Variants in GPHN observed in about 807,000 individuals in gnomAD.
The protein encoded by GPHN is gephyrin.
In GPHN, 17 loss-of-function variants were observed where a neutral mutation model predicts 95.5. That is an observed-to-expected ratio of 0.18 (90% CI 0.12 to 0.27). The LOEUF is 0.27. GPHN is among the 10% of genes least tolerant of loss of function. The probability of loss-of-function intolerance (pLI) is 1.00; values close to 1 mark genes in which losing one functional copy is unlikely to be tolerated. For synonymous variants in GPHN, 320 were observed against 322.5 expected (o/e 0.99, Z 0.08); for missense variants, 660 against 978.1 (o/e 0.67, Z 4.34).
intron 1 of GPHN, among the ~76,000 whole-genome samples, chr14:66,657,593 C>A (rs1189834468): frequency 1.3e-5 from 2 of 152,152 alleles, no homozygotes; most frequent in African/African-American, 4.8e-5. Flanking sequence ...AGCCATTGCT[C>A]ATTTACCATT....
chr14:67,633,571 CTCATT>C, the GPHN span, among the ~76,000 whole-genome samples: 7 of 152,290 alleles, frequency 4.6e-5, no homozygotes, highest in East Asian at 1.4e-3. Flanking sequence ...TCTGTTCCCT[CTCATT>C]TATTTCTTTA....
At chr14:66,549,475 C>T (rs1024233357) in intron 1 of GPHN, among the ~76,000 whole-genome samples, 1 of 152,066 alleles carries the variant, frequency 6.6e-6, no homozygotes, top group Admixed American at 6.6e-5. Context: ...ATGGAAATTG[C>T]AGGAGAAACA....
chr14:66,919,883 G>A (rs1843273125), intron 6 of GPHN, among the ~76,000 whole-genome samples: 1 of 151,920 alleles, frequency 6.6e-6, no homozygotes, highest in South Asian at 2.1e-4. Context: ...TGGCCAACAT[G>A]GTGAAACCCC....
At chr14:66,603,503 A>G (rs539064542) in intron 1 of GPHN, among the ~76,000 whole-genome samples, 24 of 152,034 alleles carry the variant, frequency 1.6e-4, no homozygotes, top group African/African-American at 5.5e-4. Context: ...ATCATAAGTG[A>G]TCTTCAGCAG....
chr14:66,743,168 T>G (rs1234122647), intron 2 of GPHN, among the ~76,000 whole-genome samples: 1 of 147,730 alleles, frequency 6.8e-6, no homozygotes, highest in Non-Finnish European at 1.5e-5. Flanking sequence ...GGGACCTGAT[T>G]CCCTGTGTAG....
At chr14:67,389,680 T>C in the GPHN span, among the ~76,000 whole-genome samples, 2 of 152,214 alleles carry the variant, frequency 1.3e-5, no homozygotes, top group Admixed American at 1.3e-4. Flanking sequence ...TTTCCTATTT[T>C]AAAAGCTGAG....
intron 1 of GPHN, among the ~76,000 whole-genome samples, chr14:66,680,116 C>G (rs1386887502): frequency 6.6e-6 from 1 of 152,178 alleles, no homozygotes; most frequent in Non-Finnish European, 1.5e-5. Flanking sequence ...TTTCGATACA[C>G]TTAGAATGCC....
chr14:67,095,169 A>C (rs942147225), intron 12 of GPHN, among the ~76,000 whole-genome samples: 9 of 151,990 alleles, frequency 5.9e-5, no homozygotes, highest in African/African-American at 2.2e-4. Context: ...TAAAATTTGG[A>C]CTCCTGTAGT....
chr14:67,644,279 C>A, the GPHN span, among the ~76,000 whole-genome samples: 1 of 152,186 alleles, frequency 6.6e-6, no homozygotes, highest in Non-Finnish European at 1.5e-5. Flanking sequence ...CTACTTTAAT[C>A]ATCAAAGCAA....
chr14:66,933,641 C>A (rs2066943799), intron 8 of GPHN, among the ~76,000 whole-genome samples: 1 of 152,074 alleles, frequency 6.6e-6, no homozygotes, highest in African/African-American at 2.4e-5. Context: ...AGCTTCAGTT[C>A]TCATCTATAA....
the GPHN span, chr14:67,350,681 A>C: frequency 1.9e-6 from 3 of 1,613,426 alleles, no homozygotes; most frequent in Non-Finnish European, 2.5e-6. Flanking sequence ...TCGCCCATCA[A>C]CATTTTAGTC....
At chr14:67,363,590 G>C in the GPHN span, among the ~76,000 whole-genome samples, 1 of 152,144 alleles carries the variant, frequency 6.6e-6, no homozygotes, top group Non-Finnish European at 1.5e-5. Context: ...CCTGTTAGCA[G>C]TATGTGAAAG....
intron 3 of GPHN, among the ~76,000 whole-genome samples, chr14:66,798,920 A>G (rs1296577159): frequency 1.3e-5 from 2 of 151,112 alleles, no homozygotes; most frequent in African/African-American, 4.9e-5. Context: ...GCTTATTTGA[A>G]GTTTCCTCCT....
At chr14:66,620,563 C>G (rs2063247750) in intron 1 of GPHN, among the ~76,000 whole-genome samples, 1 of 152,160 alleles carries the variant, frequency 6.6e-6, no homozygotes, top group Admixed American at 6.5e-5. Context: ...CCCAATAATT[C>G]TGTCACCTCC....
At chr14:66,693,325 T>C (rs1305056263) in intron 2 of GPHN, among the ~76,000 whole-genome samples, 3 of 152,212 alleles carry the variant, frequency 2.0e-5, no homozygotes, top group Non-Finnish European at 4.4e-5. Context: ...TATTATTTGT[T>C]TTGCTATTTT....
the GPHN span, among the ~76,000 whole-genome samples, chr14:67,445,574 A>ATTTTTTT: frequency 1.0e-5 from 1 of 98,680 alleles, no homozygotes; most frequent in East Asian, 2.5e-4. Context: ...AAGAGAGGCA[A>ATTTTTTT]TTCTTTTTTT....
intron 1 of GPHN, among the ~76,000 whole-genome samples, chr14:66,625,324 TG>T (rs766055882): frequency 1.8e-4 from 28 of 152,164 alleles, no homozygotes; most frequent in Non-Finnish European, 4.1e-4. Flanking sequence ...CCTCCTGCCT[TG>T]GTCTCCCAGA....
intron 1 of GPHN, among the ~76,000 whole-genome samples, chr14:66,613,939 C>T (rs189166362): frequency 3.7e-4 from 56 of 152,212 alleles, no homozygotes; most frequent in Admixed American, 8.5e-4. Context: ...TCATTTTACT[C>T]ATTGTAGCAC....
At chr14:66,690,182 C>G (rs2067677785) in intron 2 of GPHN, among the ~76,000 whole-genome samples, 3 of 151,738 alleles carry the variant, frequency 2.0e-5, no homozygotes, top group Admixed American at 6.6e-5. Flanking sequence ...CTATAAACTT[C>G]TCTCTTACTA....
Sources: gnomAD v4.1 joint callset for allele counts (sites outside exome capture counted in the v4.1 genomes callset) on GRCh38, gnomAD v4.1.1 for gene constraint, MANE v1.5 for transcripts, NCBI Gene and HGNC (gene_info 2026-07-23, HGNC 2026-07-21) for gene names.